TLR3: variants seen among roughly 807,000 people sequenced by gnomAD.
The protein encoded by TLR3 is toll-like receptor 3.
TLR3 carries 43 observed loss-of-function variants against 66.4 expected under a neutral mutation model. The ratio of observed to expected loss-of-function variants is 0.65; its 90% CI spans 0.51 to 0.83. TLR3 has a LOEUF of 0.83. Ranked by LOEUF, TLR3 falls within the 40% of genes least tolerant of loss-of-function variation. The pLI is 0.00. For missense variants in TLR3, 982 were observed against 1,044.6 expected (o/e 0.94, Z 0.83); for synonymous variants, 397 against 397.2 (o/e 1.00, Z 0.01).
In TLR3 at chr4:186,082,803, A is replaced by C. The variant is rs578216202; in HGVS notation, c.1117A>C (p.Asn373His). ...EDNDIPGIKS[N>H]MFTGLINLKY... ...TAATGATATTCCAGGCATAAAAAGC[A>C]ATATGTTCACAGGATTGATAAACCT... Residue 373 changes from asparagine to histidine, a missense_variant, in exon 4 of 5, where the codon AAT becomes CAT. By Grantham distance (68) the Asn-to-His change is moderately conservative (BLOSUM62 1). Coordinates refer to ENST00000296795, the MANE Select transcript of TLR3 (RefSeq NM_003265.3). 1.3e-5 allele frequency: 21 copies of C among 1,614,204 alleles called. No homozygotes were observed. The East Asian group carries it at 4.2e-4, about 33-fold the overall frequency.
At chr4:186,072,066 TA>T (rs1561368891) in intron 1 of TLR3, among the ~76,000 whole-genome samples, 1 of 152,226 alleles carries the variant, frequency 6.6e-6, no homozygotes, top group East Asian at 1.9e-4. Flanking sequence ...CATGGAAAGC[TA>T]TTGTATGAGT....
At position 186,078,877 on chromosome 4, in the gene TLR3, C is replaced by A. The variant is rs778352708; in HGVS notation, c.479C>A (p.Ser160Ter). 11 of 1,613,960 alleles carry A rather than the reference C, an allele frequency of 6.8e-6. No individual in the cohort carries two copies. Among genetic ancestry groups the A allele is most frequent in the Non-Finnish European group, 9.3e-6 (11 of 1,179,958 alleles). Residue 160 changes from serine (S) to a stop codon, truncating the protein, a stop_gained, in exon 3 of 5, where the codon TCA (serine) becomes TAA (stop). Transcript: ENST00000296795. LOFTEE classifies it high-confidence loss of function. The stretch of plus-strand genomic sequence containing the variant: ...TTAGATCTGTCTCATAATGGCTTGT[C>A]ATCTACAAAATTAGGAACTCAGGTT... ...ITLDLSHNGL[S>*]STKLGTQVQL...
In TLR3 at chr4:186,086,663, C is replaced by T. The variant is rs913127268; in HGVS notation, c.*1790C>T. On this transcript the variant is annotated 3_prime_UTR_variant, in exon 5 of 5. Coordinates refer to ENST00000296795, the MANE Select transcript of TLR3 (RefSeq NM_003265.3). ...TTCTTATATGCTTTGTGTGTTATCACACAAATATTCTCAAATATTCATAAG... is the reference window on the plus strand; with the variant it reads ...TTCTTATATGCTTTGTGTGTTATCATACAAATATTCTCAAATATTCATAAG... 6 of 152,148 alleles carry T rather than the reference C, an allele frequency of 3.9e-5. No individual in the cohort carries two copies. Among genetic ancestry groups the T allele is most frequent in the African/African-American group, 1.2e-4 (5 of 41,424 alleles). The allele number at this position is 152,148 out of a possible 1,614,324, so 9.4% of individuals were successfully genotyped here.
In TLR3 at chr4:186,082,937, T is replaced by A. The variant is rs776866759; in HGVS notation, c.1251T>A (p.Asn417Lys). Residue 417 changes from asparagine (N) to lysine (K), a missense_variant, in exon 4 of 5, where the codon AAT (asparagine) becomes AAA (lysine). Physicochemically the swap from Asn to Lys is moderately conservative, Grantham distance 94 (BLOSUM62 0). This residue lies in a region of TLR3 where 666 missense variants were observed against 709.0 expected (regional missense o/e 0.94). Coordinates refer to ENST00000296795, the MANE Select transcript of TLR3 (RefSeq NM_003265.3). Reference sequence around the variant, plus strand: ...TACACATACTCAACCTAACCAAGAATAAAATCTCAAAAATAGAGAGTGATG... The same window carrying A: ...TACACATACTCAACCTAACCAAGAAAAAAATCTCAAAAATAGAGAGTGATG... ...SPLHILNLTK[N>K]KISKIESDAF... 8.1e-6 allele frequency: 13 copies of A among 1,614,128 alleles called. No individual in the cohort carries two copies. Among genetic ancestry groups the A allele is most frequent in the Non-Finnish European group, 5.1e-6 (6 of 1,180,022 alleles).
chr4:186,080,818 C>T (rs1251143977), intron 3 of TLR3, among the ~76,000 whole-genome samples: 2 of 152,076 alleles, frequency 1.3e-5, no homozygotes, highest in Non-Finnish European at 2.9e-5. Flanking sequence ...TCTCGAACTC[C>T]TGACTTCATG....
At chr4:186,082,151 G>A in intron 3 of TLR3, 169 bp from the exon 4 acceptor site, 3 of 641,180 alleles carry the variant, frequency 4.7e-6, no homozygotes, top group Non-Finnish European at 7.8e-6. Context: ...CTTGAACTGA[G>A]GAGGTGGAGT....
chr4:186,080,971 G>A (rs2099303328), intron 3 of TLR3, among the ~76,000 whole-genome samples: 1 of 152,104 alleles, frequency 6.6e-6, no homozygotes, highest in Non-Finnish European at 1.5e-5. Context: ...ATAGAAGAAA[G>A]GGTGCTTTAT....
intron 2 of TLR3, among the ~76,000 whole-genome samples, chr4:186,077,704 A>T (rs1314601413): frequency 6.6e-6 from 1 of 152,144 alleles, no homozygotes; most frequent in Non-Finnish European, 1.5e-5. Flanking sequence ...CAGGGTAATT[A>T]TCATATCCAT....
chr4:186,073,281 A>G (rs1365463739), intron 1 of TLR3, among the ~76,000 whole-genome samples: 1 of 152,184 alleles, frequency 6.6e-6, no homozygotes, highest in African/African-American at 2.4e-5. Flanking sequence ...GCACTTTGGG[A>G]GGCCGAGGTG....
In TLR3 at chr4:186,082,616, A is replaced by G; in HGVS notation, c.930A>G (p.Ile310Met). 1 of 1,614,140 alleles carries G rather than the reference A, an allele frequency of 6.2e-7. No homozygotes were observed. Among genetic ancestry groups the G allele is most frequent in the South Asian group, 1.1e-5 (1 of 91,088 alleles). ...ATTTCTTCCTAGAGTATAATAATAT[A>G]CAGCATTTGTTTTCTCACTCTTTGC... is the stretch of plus-strand genomic sequence containing the variant. Reference protein sequence around the residue: ...LEYFFLEYNNIQHLFSHSLHG... With the variant: ...LEYFFLEYNNMQHLFSHSLHG... Residue 310 changes from isoleucine to methionine, a missense_variant, in exon 4 of 5, where the codon ATA (isoleucine) becomes ATG (methionine). Ile to Met is a conservative substitution (Grantham distance 10, BLOSUM62 1). Coordinates refer to ENST00000296795, the MANE Select transcript of TLR3 (RefSeq NM_003265.3).
rs768091235 is a variant in TLR3 at position 186,082,765 on chromosome 4, T to C, written c.1079T>C (p.Leu360Pro). The part of the protein sequence containing the change: ...SFQWLKCLEH[L>P]NMEDNDIPGI... Reference sequence around the variant, plus strand: ...CAGTGGCTAAAATGTTTGGAGCACCTTAACATGGAAGATAATGATATTCCA... The same window carrying C: ...CAGTGGCTAAAATGTTTGGAGCACCCTAACATGGAAGATAATGATATTCCA... The change falls in exon 4 of 5, where the codon CTT becomes CCT. Residue 360 changes from leucine to proline, a missense_variant. By Grantham distance (98) the Leu-to-Pro change is moderately conservative. Coordinates refer to ENST00000296795, the MANE Select transcript of TLR3 (RefSeq NM_003265.3). 12 of 1,613,990 alleles carry C rather than the reference T, an allele frequency of 7.4e-6. No individual in the cohort carries two copies.
intron 1 of TLR3, among the ~76,000 whole-genome samples, chr4:186,076,319 A>G (rs936115169): frequency 2.0e-5 from 3 of 152,226 alleles, no homozygotes; most frequent in Non-Finnish European, 4.4e-5. Flanking sequence ...GGAGGTAATC[A>G]TGAGAATTAC....
At position 186,082,857 on chromosome 4, in the gene TLR3, A is replaced by G. The variant is rs2099303777; in HGVS notation, c.1171A>G (p.Thr391Ala). Residue 391 changes from threonine (T) to alanine (A), a missense_variant, in exon 4 of 5, where the codon ACA (threonine) becomes GCA (alanine). Physicochemically the swap from Thr to Ala is moderately conservative, Grantham distance 58. Around this residue, in one of 3 missense-constraint regions of TLR3, gnomAD observed 666 missense variants for 709.0 expected, o/e 0.94. Transcript: ENST00000296795. ...ATACTTAAGTCTATCCAACTCCTTT[A>G]CAAGTTTGCGAACTTTGACAAATGA... ...LKYLSLSNSF[T>A]SLRTLTNETF... 6.2e-7 allele frequency: 1 copy of G among 1,613,706 alleles called. No homozygotes were observed. The highest frequency in any genetic ancestry group is 1.1e-5 in the South Asian group (1 of 91,050).
chr4:186,076,922 A>T lies in TLR3; in HGVS notation c.303A>T (p.Leu101Phe). Residue 101 changes from leucine to phenylalanine, a missense_variant, in exon 2 of 5, where the codon TTA becomes TTT. This residue lies in a region of TLR3 where 313 missense variants were observed against 319.0 expected (regional missense o/e 0.98). Coordinates refer to ENST00000296795, the MANE Select transcript of TLR3 (RefSeq NM_003265.3). ...EPELCQKLPMLKVLNLQHNEL... is the reference protein window; with the variant it reads ...EPELCQKLPMFKVLNLQHNEL... Reference sequence around the variant, plus strand: ...AATTGTGCCAGAAACTTCCCATGTTAAAAGTTTTGAACCTCCAGCACAATG... The same window carrying T: ...AATTGTGCCAGAAACTTCCCATGTTTAAAGTTTTGAACCTCCAGCACAATG... 1 of 1,614,216 alleles carries T rather than the reference A, an allele frequency of 6.2e-7. No individual in the cohort carries two copies. Among genetic ancestry groups the T allele is most frequent in the Non-Finnish European group, 8.5e-7 (1 of 1,180,052 alleles).
In TLR3 at chr4:186,082,598, C is replaced by T; in HGVS notation, c.912C>T (p.Phe304=). ...GGCTTCCACAACTAGAATATTTCTT[C>T]CTAGAGTATAATAATATACAGCATT... ...FAWLPQLEYF[F]LEYNNIQHLF... The change falls in exon 4 of 5, where the codon TTC becomes TTT. Residue 304 remains phenylalanine (F), a synonymous_variant. Coordinates refer to ENST00000296795, the MANE Select transcript of TLR3 (RefSeq NM_003265.3). The T allele has an allele frequency of 1.2e-6, 2 of 1,614,092 alleles. No individual in the cohort carries two copies. Among genetic ancestry groups the T allele is most frequent in the Non-Finnish European group, 1.7e-6 (2 of 1,179,998 alleles).
rs2099304655 is a variant in TLR3, at chr4:186,088,053, A to G, written c.*3180A>G. The G allele has an allele frequency of 6.6e-6, 1 of 152,240 alleles. No individual in the cohort carries two copies. The highest frequency in any genetic ancestry group is 6.5e-5 in the Admixed American group (1 of 15,280). 9.4% of individuals were successfully genotyped at this position (152,240 alleles called of 1,614,324 possible). A position where few individuals can be genotyped will look rare whatever the true frequency, so the allele number is the denominator to read the frequency against. Reference sequence around the variant, plus strand: ...TTATATATTCACAAAGCCATTAAAAATTGTATTTTTTGAGCAGCTACAGGT... The same window carrying G: ...TTATATATTCACAAAGCCATTAAAAGTTGTATTTTTTGAGCAGCTACAGGT... On this transcript the variant is annotated 3_prime_UTR_variant, in exon 5 of 5. Transcript: ENST00000296795.
Position 186,083,598 on chromosome 4 carries a change from A to C in TLR3, c.1912A>C (p.Thr638Pro), listed in dbSNP as rs753545423. The change falls in exon 4 of 5, where the codon ACT becomes CCT. Residue 638 changes from threonine to proline, a missense_variant. By Grantham distance (38) the Thr-to-Pro change is conservative. Coordinates refer to ENST00000296795, the MANE Select transcript of TLR3 (RefSeq NM_003265.3). This position sits in a 1 kb window ranked among gnomAD's most constrained non-coding sequence, Gnocchi z 4.0. ...TTTCGGGCCAGCTTTCAGGAACCTG[A>C]CTGAGTTAGATATGCGCTTTAATCC... ...KVFGPAFRNL[T>P]ELDMRFNPFD... 8 of 1,611,738 alleles carry C rather than the reference A, an allele frequency of 5.0e-6. No homozygotes were observed. The highest frequency in any genetic ancestry group is 6.8e-6 in the Non-Finnish European group (8 of 1,179,284).
At chr4:186,080,187 A>C (rs2099303189) in intron 3 of TLR3, among the ~76,000 whole-genome samples, 1 of 147,186 alleles carries the variant, frequency 6.8e-6, no homozygotes, top group Non-Finnish European at 1.5e-5. Context: ...TTACAACTCT[A>C]TTTTTTTTTT....
At chr4:186,080,855 G>A (rs2099303302) in intron 3 of TLR3, among the ~76,000 whole-genome samples, 2 of 152,144 alleles carry the variant, frequency 1.3e-5, no homozygotes, top group South Asian at 4.1e-4. Flanking sequence ...GCCTCCCAAA[G>A]TGCTGGGATT....
Sources: gnomAD v4.1 joint callset for allele counts (sites outside exome capture counted in the v4.1 genomes callset) on GRCh38, gnomAD v4.1.1 for gene constraint, gnomAD v4.1.1 regional missense constraint, Gnocchi (gnomAD v3.1) non-coding constraint, MANE v1.5 for transcripts, NCBI Gene and HGNC (gene_info 2026-07-23, HGNC 2026-07-21) for gene names.